The following FAM3C variants were observed in gnomAD, a reference collection of about 807,000 sequenced individuals.
The protein encoded by FAM3C is protein FAM3C.
FAM3C carries 15 observed loss-of-function variants against 32.5 expected under a neutral mutation model. That is an observed-to-expected ratio of 0.46 (90% CI 0.31 to 0.71). FAM3C has a LOEUF of 0.71. Among genes scored for constraint, FAM3C ranks in the 30% least tolerant of loss-of-function variants. FAM3C has a pLI of 0.05. For missense variants in FAM3C, 175 were observed against 274.4 expected, an observed-to-expected ratio of 0.64 and a Z score of 2.56; for synonymous variants, 75 against 86.1, an observed-to-expected ratio of 0.87 and a Z score of 0.72.
intron 2 of FAM3C, among the ~76,000 whole-genome samples, chr7:121,381,691 C>T (rs1470306463): frequency 2.6e-5 from 4 of 151,514 alleles, no homozygotes; most frequent in East Asian, 1.9e-4. Flanking sequence ...CACACACACA[C>T]GCATGCAACA....
chr7:121,351,426 G>T, intron 8 of FAM3C, 157 bp from the exon 9 acceptor site: 1 of 589,560 alleles, frequency 1.7e-6, no homozygotes, highest in Non-Finnish European at 2.7e-6. Context: ...ATTTCTACTG[G>T]TTGAATTCTT....
chr7:121,376,287 G>C (rs1000554208), intron 3 of FAM3C, among the ~76,000 whole-genome samples: 1 of 152,240 alleles, frequency 6.6e-6, no homozygotes. Flanking sequence ...AGAAATGGCT[G>C]AAAGGGAGGA....
chr7:121,357,726 T>C (rs1359019292), intron 8 of FAM3C, among the ~76,000 whole-genome samples: 2 of 152,180 alleles, frequency 1.3e-5, no homozygotes, highest in African/African-American at 4.8e-5. Context: ...AGTTTAGATT[T>C]TTCCTTTTGC....
At chr7:121,372,628 A>T (rs1299774004) in intron 3 of FAM3C, among the ~76,000 whole-genome samples, 1 of 152,142 alleles carries the variant, frequency 6.6e-6, no homozygotes, top group East Asian at 1.9e-4. Context: ...TTACTAAAAG[A>T]TTTACAATTT....
At chr7:121,360,004 C>T (rs777080629) in intron 8 of FAM3C, 39 bp downstream of exon 8, 1 of 1,038,048 alleles carries the variant, frequency 9.6e-7, no homozygotes, top group Non-Finnish European at 1.5e-6. Context: ...TTTATAATTA[C>T]AAATTATAGT....
chr7:121,381,277 G>A (rs563008817), intron 2 of FAM3C, among the ~76,000 whole-genome samples: 5 of 152,250 alleles, frequency 3.3e-5, no homozygotes, highest in African/African-American at 1.2e-4. Flanking sequence ...ACTGTAAGAA[G>A]AATGGCTATG....
chr7:121,385,599 G>A (rs1220535922), intron 1 of FAM3C, among the ~76,000 whole-genome samples: 1 of 152,124 alleles, frequency 6.6e-6, no homozygotes, highest in African/African-American at 2.4e-5. Context: ...TAGAAATCAA[G>A]CTACTATGTG....
intron 4 of FAM3C, 88 bp from the exon 5 acceptor site, chr7:121,371,511 G>A: frequency 2.2e-6 from 3 of 1,365,410 alleles, no homozygotes; most frequent in South Asian, 2.6e-5. Context: ...ACCACAAAGA[G>A]CATTAAGAAA....
At chr7:121,387,383 G>A (rs181473262) in intron 1 of FAM3C, among the ~76,000 whole-genome samples, 1 of 152,242 alleles carries the variant, frequency 6.6e-6, no homozygotes, top group East Asian at 1.9e-4. Context: ...TGGGCTACGT[G>A]TAGGACATAC....
intron 9 of FAM3C, among the ~76,000 whole-genome samples, 176 bp from the exon 10 acceptor site, chr7:121,350,726 C>A (rs1793686890): frequency 6.6e-6 from 1 of 152,104 alleles, no homozygotes; most frequent in Non-Finnish European, 1.5e-5. Flanking sequence ...ACATGGCAGA[C>A]CTTCAAATAA....
chr7:121,387,561 T>A (rs1036545473), intron 1 of FAM3C, among the ~76,000 whole-genome samples: 2 of 152,040 alleles, frequency 1.3e-5, no homozygotes, highest in Non-Finnish European at 2.9e-5. Flanking sequence ...TGGATCCTCT[T>A]CAAAAGGAAG....
chr7:121,377,887 C>T (rs1365839321), intron 3 of FAM3C, among the ~76,000 whole-genome samples: 1 of 152,146 alleles, frequency 6.6e-6, no homozygotes, highest in East Asian at 1.9e-4. Context: ...TGTGTAAGTA[C>T]ACTCTATGAT....
intron 4 of FAM3C, 78 bp downstream of exon 4, chr7:121,372,032 A>C: frequency 1.9e-6 from 2 of 1,044,582 alleles, no homozygotes; most frequent in Non-Finnish European, 2.9e-6. Flanking sequence ...ATACTGAACT[A>C]CTGACACTTT....
At chr7:121,378,713 T>G (rs1026324545) in intron 3 of FAM3C, among the ~76,000 whole-genome samples, 197 bp downstream of exon 3, 1 of 151,540 alleles carries the variant, frequency 6.6e-6, no homozygotes, top group Non-Finnish European at 1.5e-5. Context: ...AAATGTTGAA[T>G]AGAAGATTCA....
At chr7:121,379,317 T>C (rs1344911138) in intron 2 of FAM3C, among the ~76,000 whole-genome samples, 1 of 152,132 alleles carries the variant, frequency 6.6e-6, no homozygotes, top group Non-Finnish European at 1.5e-5. Context: ...TCATGACTAA[T>C]GGAACACCAC....
At position 121,372,126 on chromosome 7, in the gene FAM3C, C is replaced by T; in HGVS notation, c.132G>A (p.Leu44=). 1 of 1,606,088 alleles carries T rather than the reference C, an allele frequency of 6.2e-7. No individual in the cohort carries two copies. Among genetic ancestry groups the T allele is most frequent in the Non-Finnish European group, 8.5e-7 (1 of 1,174,780 alleles). The change falls in exon 4 of 10, where the codon TTG becomes TTA. Residue 44 remains leucine, a synonymous_variant. Transcript: ENST00000359943. ...AATACTTACAACGTGCAGCTGTGTC[C>T]AATGCTGATCTTGCTGAAAAAAAAA... ...SLGNLFARSA[L]DTAARSTKPP...
chr7:121,375,202 A>G (rs934021070), intron 3 of FAM3C, among the ~76,000 whole-genome samples: 1 of 152,256 alleles, frequency 6.6e-6, no homozygotes, highest in African/African-American at 2.4e-5. Context: ...GGAGCAATAC[A>G]TTCTTAAAGA....
At chr7:121,364,060 T>C in intron 6 of FAM3C, 70 bp downstream of exon 6, 1 of 981,110 alleles carries the variant, frequency 1.0e-6, no homozygotes. Flanking sequence ...GATCCTCTGA[T>C]AGTGCATTTT....
chr7:121,390,417 TTTATAGTTTAAA>T (rs1242525293), intron 1 of FAM3C, among the ~76,000 whole-genome samples: 1 of 152,188 alleles, frequency 6.6e-6, no homozygotes, highest in Non-Finnish European at 1.5e-5. Flanking sequence ...AGGAACTTAG[TTTATAGTTTAAA>T]ACAAAGATGG....
Sources: allele counts gnomAD v4.1 joint callset (sites outside exome capture counted in the v4.1 genomes callset), GRCh38; gene constraint gnomAD v4.1.1; transcripts MANE v1.5; gene names NCBI Gene and HGNC (gene_info 2026-07-23, HGNC 2026-07-21).